MAT1A: variants seen among roughly 807,000 people sequenced by gnomAD.
The protein encoded by MAT1A is methionine adenosyltransferase 1A, also known as S-adenosylmethionine synthase isoform type-1.
A neutral mutation model predicts 44.0 loss-of-function variants in MAT1A; 19 were observed. That is an observed-to-expected ratio of 0.43 (90% CI 0.30 to 0.63). The LOEUF is 0.63. Among genes scored for constraint, MAT1A ranks in the 30% least tolerant of loss-of-function variants. MAT1A has a pLI of 0.12. For missense variants in MAT1A, 397 were observed against 531.0 expected, an observed-to-expected ratio of 0.75 and a Z score of 2.48; for synonymous variants, 205 against 205.6, an observed-to-expected ratio of 1.00 and a Z score of 0.03.
Position 80,274,546 on chromosome 10 carries a change from G to T in MAT1A, c.1059C>A (p.Phe353Leu). The change falls in exon 8 of 9, where the codon TTC (phenylalanine) becomes TTA (leucine). Residue 353 changes from phenylalanine to leucine, a missense_variant. Coordinates refer to ENST00000372213, the MANE Select transcript of MAT1A (RefSeq NM_000429.3). The part of the protein sequence containing the change: ...RELLDVVHKN[F>L]DLRPGVIVRD... ...TGACAATGACGCCCGGCCGGAGGTCGAAGTTCTTATGCACCACATCCAGCA... is the reference window on the plus strand; with the variant it reads ...TGACAATGACGCCCGGCCGGAGGTCTAAGTTCTTATGCACCACATCCAGCA... 6.2e-7 allele frequency: 1 copy of T among 1,614,182 alleles called. No homozygotes were observed. Among genetic ancestry groups the T allele is most frequent in the Admixed American group, 1.7e-5 (1 of 60,026 alleles).
At chr10:80,274,789 G>C in intron 7 of MAT1A, 136 bp from the exon 8 acceptor site, 1 of 1,318,366 alleles carries the variant, frequency 7.6e-7, no homozygotes, top group East Asian at 2.5e-5. Flanking sequence ...CAATTTTCCT[G>C]CTATCTTCAC....
rs748632409 is a variant in MAT1A, at chr10:80,274,603, G to A, written c.1002C>T (p.Thr334=). ...GCTCTGTCTTCTGAGAGGTTCCGTA[G>A]GTGAAGATGGAAATGGACAGCGGCT... is the stretch of plus-strand genomic sequence containing the variant. ...VAEPLSISIF[T]YGTSQKTERE... is the part of the protein sequence containing the mutation. The change falls in exon 8 of 9, where the codon ACC becomes ACT. Residue 334 remains threonine (T), a synonymous_variant. Transcript: ENST00000372213. 29 of 1,614,066 alleles carry A rather than the reference G, an allele frequency of 1.8e-5. No individual in the cohort carries two copies. Among genetic ancestry groups the A allele is most frequent in the Non-Finnish European group, 2.5e-5 (29 of 1,180,054 alleles).
intron 7 of MAT1A, 115 bp from the exon 8 acceptor site, chr10:80,274,768 A>C: frequency 1.4e-6 from 2 of 1,405,012 alleles, no homozygotes; most frequent in Non-Finnish European, 2.0e-6. Context: ...CTTGCCCCAC[A>C]TGCTCCCCTG....
In MAT1A at chr10:80,285,533, G is replaced by C; in HGVS notation, c.148C>G (p.Pro50Ala). ...AVLDAHLKQD[P>A]NAKVACETVC... ...TTACCACAGGCCACCTTGGCATTGG[G>C]GTCTTGCTTGAGATGGGCATCCAGC... Residue 50 changes from proline (P) to alanine (A), a missense_variant, in exon 2 of 9, where the codon CCC becomes GCC. Physicochemically the swap from Pro to Ala is conservative, Grantham distance 27. Coordinates refer to ENST00000372213, the MANE Select transcript of MAT1A (RefSeq NM_000429.3). The C allele has an allele frequency of 6.2e-7, 1 of 1,614,072 alleles. No individual in the cohort carries two copies. The highest frequency in any genetic ancestry group is 8.5e-7 in the Non-Finnish European group (1 of 1,179,990).
intron 1 of MAT1A, among the ~76,000 whole-genome samples, chr10:80,288,547 G>A (rs1479639430): frequency 1.3e-5 from 2 of 152,174 alleles, no homozygotes; most frequent in Non-Finnish European, 2.9e-5. Context: ...CTACTTTTCA[G>A]GGACCAAAAT....
intron 2 of MAT1A, among the ~76,000 whole-genome samples, 168 bp from the exon 3 acceptor site, chr10:80,284,206 A>G (rs2132708726): frequency 6.6e-6 from 1 of 152,294 alleles, no homozygotes; most frequent in South Asian, 2.1e-4. Context: ...AAATCCCAGC[A>G]CCAAGCACTG....
chr10:80,272,222 T>A lies in MAT1A; in HGVS notation c.*1559A>T, dbSNP rs1158893005. ...CTAGAGAGAGGCCAAGTCCCCAGTGTTCCCCTGGGGCCCATGGAGGCCCCT... is the reference window on the plus strand; with the variant it reads ...CTAGAGAGAGGCCAAGTCCCCAGTGATCCCCTGGGGCCCATGGAGGCCCCT... On this transcript the variant is annotated 3_prime_UTR_variant, in exon 9 of 9. Transcript: ENST00000372213. 6.6e-6 allele frequency: 1 copy of A among 152,378 alleles called. No individual in the cohort carries two copies. Among genetic ancestry groups the A allele is most frequent in the African/African-American group, 2.4e-5 (1 of 41,422 alleles). 9.4% of individuals were successfully genotyped at this position (152,378 alleles called of 1,614,324 possible).
chr10:80,284,020 C>A lies in MAT1A; in HGVS notation c.188G>T (p.Gly63Val), dbSNP rs1564647839. 1.2e-6 allele frequency: 2 copies of A among 1,614,136 alleles called. No individual in the cohort carries two copies. The highest frequency in any genetic ancestry group is 2.2e-5 in the East Asian group (1 of 44,890). ...KVACETVCKT[G>V]MVLLCGEITS... is the part of the protein sequence containing the mutation. Reference sequence around the variant, plus strand: ...GATCTCACCACACAGCAGCACCATGCCGGTCTTGCACACTGTCTCTGAAAG... The same window carrying A: ...GATCTCACCACACAGCAGCACCATGACGGTCTTGCACACTGTCTCTGAAAG... The change falls in exon 3 of 9, where the codon GGC becomes GTC. Residue 63 changes from glycine to valine, a missense_variant. Gly to Val is a moderately radical substitution (Grantham distance 109). Coordinates refer to ENST00000372213, the MANE Select transcript of MAT1A (RefSeq NM_000429.3).
At chr10:80,277,821 T>C (rs2132703681) in intron 5 of MAT1A, among the ~76,000 whole-genome samples, 1 of 152,288 alleles carries the variant, frequency 6.6e-6, no homozygotes. Flanking sequence ...TATCTCATCA[T>C]GTCAGCAAGA....
chr10:80,279,943 A>G (rs1250911155), intron 5 of MAT1A, among the ~76,000 whole-genome samples: 1 of 152,106 alleles, frequency 6.6e-6, no homozygotes, highest in Admixed American at 6.6e-5. Context: ...AAAAAAACGG[A>G]ACTATTCTTT....
intron 1 of MAT1A, among the ~76,000 whole-genome samples, chr10:80,287,593 G>A (rs1298558028): frequency 2.6e-5 from 4 of 152,120 alleles, no homozygotes; most frequent in Admixed American, 6.5e-5. Context: ...TTGCTGCTGC[G>A]CACAATGGAC....
Position 80,273,852 on chromosome 10 carries a change from T to G in MAT1A, c.1117A>C (p.Lys373Gln). The change falls in exon 9 of 9, where the codon AAG becomes CAG. Residue 373 changes from lysine (K) to glutamine (Q), a missense_variant. Coordinates refer to ENST00000372213, the MANE Select transcript of MAT1A (RefSeq NM_000429.3). ...DLDLKKPIYQ[K>Q]TACYGHFGRS... Reference sequence around the variant, plus strand: ...CCGAAATGGCCGTAGCATGCTGTCTTCTGGTAGATGGGCTTCTTCAAGTCC... The same window carrying G: ...CCGAAATGGCCGTAGCATGCTGTCTGCTGGTAGATGGGCTTCTTCAAGTCC... 3.1e-6 allele frequency: 5 copies of G among 1,613,534 alleles called. No individual in the cohort carries two copies. The highest frequency in any genetic ancestry group is 4.2e-6 in the Non-Finnish European group (5 of 1,179,496).
At chr10:80,285,444 T>C (rs1341430425) in intron 2 of MAT1A, 68 bp downstream of exon 2, 2 of 1,301,618 alleles carry the variant, frequency 1.5e-6, no homozygotes, top group East Asian at 2.3e-5. Flanking sequence ...GTTTGTCTTA[T>C]ACCCATGATT....
intron 6 of MAT1A, 65 bp from the exon 7 acceptor site, chr10:80,275,264 G>A: frequency 7.2e-7 from 1 of 1,398,438 alleles, no homozygotes. Context: ...GGGGGCTGAA[G>A]TACTGTGATG....
At position 80,289,413 on chromosome 10, in the gene MAT1A, G is replaced by A. The variant is rs546790330; in HGVS notation, c.11C>T (p.Pro4Leu). The A allele has an allele frequency of 1.4e-5, 22 of 1,613,622 alleles. No individual in the cohort carries two copies. In the African/African-American group the frequency reaches 1.5e-4, roughly 11 times the overall value. Residue 4 changes from proline (P) to leucine (L), a missense_variant, in exon 1 of 9, where the codon CCG becomes CTG. Transcript: ENST00000372213. MNG[P>L]VDGLCDHSLS... is the part of the protein sequence containing the mutation. ...AGAGTGGTCACACAAGCCATCCACC[G>A]GTCCATTCATCTTCTCACACTTCTC... is the stretch of plus-strand genomic sequence containing the variant.
chr10:80,275,657 T>C (rs1377948545), intron 6 of MAT1A, among the ~76,000 whole-genome samples: 2 of 152,240 alleles, frequency 1.3e-5, no homozygotes, highest in Admixed American at 1.3e-4. Flanking sequence ...GTTAAATGAT[T>C]TGGGGAAGTC....
In MAT1A at chr10:80,273,657, A is replaced by G. The variant is rs1321998295; in HGVS notation, c.*124T>C. 2.5e-6 allele frequency: 2 copies of G among 785,254 alleles called. No homozygotes were observed. Among genetic ancestry groups the G allele is most frequent in the East Asian group, 4.9e-5 (2 of 40,964 alleles). The allele number at this position is 785,254 out of a possible 1,614,324, so 48.6% of individuals were successfully genotyped here. A position where few individuals can be genotyped will look rare whatever the true frequency, so the allele number is the denominator to read the frequency against. On this transcript the variant is annotated 3_prime_UTR_variant, in exon 9 of 9. Coordinates refer to ENST00000372213, the MANE Select transcript of MAT1A (RefSeq NM_000429.3). ...ATGATGACAGGACAGGCTAAATGAG[A>G]GGGACCTGGCTTTGCCCTGAGGGTT... is the stretch of plus-strand genomic sequence containing the variant.
Position 80,276,622 on chromosome 10 carries a change from C to T in MAT1A, c.550-28G>A, listed in dbSNP as rs757656595. 2.5e-6 allele frequency: 4 copies of T among 1,601,816 alleles called. No individual in the cohort carries two copies. In the South Asian group the frequency reaches 4.4e-5, roughly 18 times the overall value. On this transcript the variant is annotated intron_variant, in intron 5 of 8. Transcript: ENST00000372213. ...GTCCATCAGAAGGGTGGGGGAGATA[C>T]TGTGAGGCTGAGGCTGAGCGAACGG...
At chr10:80,282,551 T>A (rs1386482266) in intron 3 of MAT1A, among the ~76,000 whole-genome samples, 1 of 152,244 alleles carries the variant, frequency 6.6e-6, no homozygotes, top group East Asian at 1.9e-4. Flanking sequence ...ATTGGCTTTT[T>A]TTTTGGTAGA....
Sources: gnomAD v4.1 joint callset for allele counts (sites outside exome capture counted in the v4.1 genomes callset) on GRCh38, gnomAD v4.1.1 for gene constraint, MANE v1.5 for transcripts, NCBI Gene and HGNC (gene_info 2026-07-23, HGNC 2026-07-21) for gene names.